CPQ: variants seen among roughly 807,000 people sequenced by gnomAD.
CPQ encodes the protein Ser-Met dipeptidase.
Under a neutral mutation model 45.7 loss-of-function variants are expected in CPQ, and 37 were observed. The ratio of observed to expected loss-of-function variants is 0.81; its 90% confidence interval spans 0.62 to 1.07. The LOEUF (loss-of-function observed/expected upper bound fraction) is 1.07, where lower values mean the gene tolerates loss of function less well. Among genes scored for constraint, CPQ ranks in the 50% least tolerant of loss-of-function variants. The pLI, the probability that CPQ is intolerant of heterozygous loss-of-function variation, is 0.00. For missense variants in CPQ, 537 were observed against 572.9 expected (o/e 0.94, Z 0.64); for synonymous variants, 186 against 205.8 (o/e 0.90, Z 0.82).
intron 5 of CPQ, among the ~76,000 whole-genome samples, chr8:96,971,452 C>T (rs1300311006): frequency 6.6e-6 from 1 of 152,058 alleles, no homozygotes; most frequent in Non-Finnish European, 1.5e-5. Flanking sequence ...TTTCATGGCC[C>T]CAGATGAATC....
At chr8:97,066,522 G>T (rs939890966) in intron 7 of CPQ, among the ~76,000 whole-genome samples, 3 of 152,036 alleles carry the variant, frequency 2.0e-5, no homozygotes, top group African/African-American at 2.4e-5. Flanking sequence ...AGGTATCTTT[G>T]GTGATTATAG....
rs1811512919 is a variant in CPQ at position 96,835,144 on chromosome 8, C to A, written c.605C>A (p.Ser202Tyr). ...VEAAKVGALA[S>Y]LIRSVASFSI... is the part of the protein sequence containing the mutation. The stretch of plus-strand genomic sequence containing the variant: ...GCTGCCAAGGTGGGGGCTTTGGCAT[C>A]TCTCATTCGATCCGTGGCCTCCTTC... The change falls in exon 3 of 8, where the codon TCT becomes TAT. Residue 202 changes from serine (S) to tyrosine (Y), a missense_variant. Ser to Tyr is a moderately radical substitution (Grantham distance 144, BLOSUM62 -2). Transcript: ENST00000220763. The A allele has an allele frequency of 6.4e-7, 1 of 1,559,942 alleles. No individual in the cohort carries two copies. Among genetic ancestry groups the A allele is most frequent in the Admixed American group, 1.8e-5 (1 of 54,122 alleles).
At chr8:96,903,540 T>C (rs2130898778) in intron 4 of CPQ, among the ~76,000 whole-genome samples, 1 of 152,322 alleles carries the variant, frequency 6.6e-6, no homozygotes, top group South Asian at 2.1e-4. Flanking sequence ...CTGTCTCCTC[T>C]TCCTCTTCAT....
chr8:96,784,985 A>G lies in CPQ; in HGVS notation c.88A>G (p.Lys30Glu), dbSNP rs114593053. 174 of 1,613,804 alleles carry G rather than the reference A, an allele frequency of 1.1e-4. No homozygotes were observed. In the African/African-American group the frequency reaches 2.2e-3, roughly 20 times the overall value. ...GKAICKNGISKRTFEEIKEEI... is the reference protein window; with the variant it reads ...GKAICKNGISERTFEEIKEEI... ...AGCTATATGCAAGAATGGCATCTCT[A>G]AGAGGACTTTTGAAGAAATAAAAGA... is the stretch of plus-strand genomic sequence containing the variant. The change falls in exon 2 of 8, where the codon AAG becomes GAG. Residue 30 changes from lysine to glutamate, a missense_variant. Lys to Glu is a moderately conservative substitution (Grantham distance 56). Coordinates refer to ENST00000220763, the MANE Select transcript of CPQ (RefSeq NM_016134.4).
chr8:96,695,403 C>G (rs1809363318), intron 1 of CPQ, among the ~76,000 whole-genome samples: 1 of 146,510 alleles, frequency 6.8e-6, no homozygotes, highest in Non-Finnish European at 1.5e-5. Context: ...GTCTAAAACA[C>G]CAAAAGCAAT....
chr8:97,095,888 A>G (rs912309503), intron 7 of CPQ, among the ~76,000 whole-genome samples: 3 of 152,320 alleles, frequency 2.0e-5, no homozygotes, highest in Middle Eastern at 3.4e-3. Flanking sequence ...AGCCTTAATC[A>G]TACTATATCA....
At chr8:96,957,988 G>A (rs959840069) in intron 4 of CPQ, among the ~76,000 whole-genome samples, 11 of 145,966 alleles carry the variant, frequency 7.5e-5, no homozygotes, top group South Asian at 4.5e-4. Flanking sequence ...GACTATAGAC[G>A]TGCACCACTA....
At chr8:96,909,753 G>C (rs1173726817) in intron 4 of CPQ, among the ~76,000 whole-genome samples, 2 of 152,150 alleles carry the variant, frequency 1.3e-5, no homozygotes, top group Non-Finnish European at 2.9e-5. Context: ...TAGCCAGCCT[G>C]CCTGTCTGTG....
intron 4 of CPQ, among the ~76,000 whole-genome samples, chr8:96,904,413 G>GT (rs1183256278): frequency 3.3e-5 from 5 of 152,152 alleles, no homozygotes; most frequent in Admixed American, 6.5e-5. Flanking sequence ...TTTTGTTTTT[G>GT]TTTTTTGTTA....
At chr8:96,804,260 C>A (rs1286779668) in intron 2 of CPQ, among the ~76,000 whole-genome samples, 2 of 152,014 alleles carry the variant, frequency 1.3e-5, no homozygotes, top group East Asian at 3.9e-4. Flanking sequence ...CTATAGAAAA[C>A]CTTGCTAAGG....
chr8:97,041,358 T>C (rs1337789806), intron 6 of CPQ, among the ~76,000 whole-genome samples: 6 of 152,322 alleles, frequency 3.9e-5, no homozygotes, highest in South Asian at 2.1e-4. Flanking sequence ...TTGCTGAAGT[T>C]GCTTATCAGC....
rs148999960 is a variant in CPQ at position 97,091,884 on chromosome 8, C to CAGAG, written c.1255+25689_1255+25692dup. 5.3e-5 allele frequency among the ~76,000 whole-genome samples: 7 copies of CAGAG among 132,844 alleles called. 1 individual carries two copies. Among genetic ancestry groups the CAGAG allele is most frequent in the African/African-American group, 1.3e-4 (5 of 39,478 alleles). 87.2% of individuals were successfully genotyped at this position (132,844 alleles called of 152,430 possible). On this transcript the variant is annotated intron_variant, in intron 7 of 7. Coordinates refer to ENST00000220763, the MANE Select transcript of CPQ (RefSeq NM_016134.4). ...GATGGATGGATGGATGGATGGATGG[C>CAGAG]AGAGAGAGAGAGAGAGAGGATGAAA...
intron 2 of CPQ, among the ~76,000 whole-genome samples, chr8:96,794,797 C>G (rs557825866): frequency 6.6e-6 from 1 of 152,164 alleles, no homozygotes; most frequent in Non-Finnish European, 1.5e-5. Flanking sequence ...CAAAGTTCCA[C>G]AAATTGCTAG....
chr8:96,939,693 G>A (rs1175292495), intron 4 of CPQ, among the ~76,000 whole-genome samples: 1 of 152,158 alleles, frequency 6.6e-6, no homozygotes, highest in South Asian at 2.1e-4. Flanking sequence ...TGAATATGCC[G>A]CAATTCACCT....
chr8:97,061,360 A>C (rs1214494992), intron 6 of CPQ, among the ~76,000 whole-genome samples: 8 of 149,936 alleles, frequency 5.3e-5, no homozygotes, highest in Admixed American at 4.0e-4. Context: ...ATCATGAAAA[A>C]AAGTTTTTAA....
At chr8:96,718,186 T>C (rs1809709483) in intron 1 of CPQ, among the ~76,000 whole-genome samples, 1 of 152,146 alleles carries the variant, frequency 6.6e-6, no homozygotes, top group African/African-American at 2.4e-5. Context: ...TCATCCGTAC[T>C]TGAGATTATA....
Position 96,966,006 on chromosome 8 carries a change from C to A in CPQ, c.921C>A (p.Ala307=). The A allele has an allele frequency of 6.2e-7, 1 of 1,613,874 alleles. No individual in the cohort carries two copies. Among genetic ancestry groups the A allele is most frequent in the Non-Finnish European group, 8.5e-7 (1 of 1,179,908 alleles). ...GQGAMDDGGG[A]FISWEALSLI... is the part of the protein sequence containing the mutation. ...GTGCCATGGATGATGGCGGTGGAGC[C>A]TTTATATCATGGGAAGCACTCTCAC... Residue 307 remains alanine, a synonymous_variant, in exon 5 of 8, where the codon GCC becomes GCA. Transcript: ENST00000220763.
intron 7 of CPQ, 69 bp downstream of exon 7, chr8:97,066,279 A>G: frequency 7.1e-7 from 1 of 1,410,796 alleles, no homozygotes; most frequent in Non-Finnish European, 9.7e-7. Context: ...TTCTGTTTTA[A>G]TAGAGCACAA....
intron 1 of CPQ, among the ~76,000 whole-genome samples, chr8:96,763,839 C>T (rs1293755356): frequency 1.3e-5 from 2 of 151,978 alleles, no homozygotes; most frequent in African/African-American, 4.8e-5. Context: ...CAATGAGACA[C>T]CAATACACAC....
Sources: gnomAD v4.1 joint callset for allele counts (sites outside exome capture counted in the v4.1 genomes callset) on GRCh38, gnomAD v4.1.1 for gene constraint, MANE v1.5 for transcripts, NCBI Gene and HGNC (gene_info 2026-07-23, HGNC 2026-07-21) for gene names.